Variants in FAT3 observed in about 807,000 individuals in gnomAD.
The protein encoded by FAT3 is protocadherin Fat 3.
In FAT3, 95 loss-of-function variants were observed where a neutral mutation model predicts 310.2. The ratio of observed to expected loss-of-function variants is 0.31; its 90% CI spans 0.26 to 0.36. FAT3 has a LOEUF of 0.36. Among genes scored for constraint, FAT3 ranks in the 10% least tolerant of loss-of-function variants. FAT3 has a pLI of 1.00. For synonymous variants in FAT3, 2,314 were observed against 2,192.9 expected (o/e 1.06, Z -1.54); for missense variants, 5,408 against 5,715.6 (o/e 0.95, Z 1.74).
chr11:92,469,674 C>A (rs931909976), intron 2 of FAT3, among the ~76,000 whole-genome samples: 8 of 151,544 alleles, frequency 5.3e-5, no homozygotes, highest in African/African-American at 1.9e-4. Flanking sequence ...GCCACCATGC[C>A]TAGCTAATTT....
At chr11:92,742,089 G>A (rs1216333433) in intron 4 of FAT3, among the ~76,000 whole-genome samples, 2 of 152,198 alleles carry the variant, frequency 1.3e-5, no homozygotes, top group African/African-American at 2.4e-5. Flanking sequence ...CCAGTACAAT[G>A]GATGATATGG....
chr11:92,487,569 A>G lies in FAT3; in HGVS notation c.3293-37065A>G, dbSNP rs188573423. Among the ~76,000 whole-genome samples the G allele has an allele frequency of 3.9e-4, 60 of 152,296 alleles. 1 individual carries two copies. The Middle Eastern group carries it at 0.034, about 86-fold the overall frequency. On this transcript the variant is annotated intron_variant, in intron 2 of 27. Coordinates refer to ENST00000525166, the MANE Select transcript of FAT3 (RefSeq NM_001367949.2). ...ATCTTTTAACTCTCGCAACAACCCT[A>G]AACTCTAAAAAGTAGGTTCCTTGGG...
intron 1 of FAT3, among the ~76,000 whole-genome samples, chr11:92,281,945 G>A (rs533582941): frequency 4.0e-5 from 6 of 149,868 alleles, no homozygotes; most frequent in African/African-American, 1.2e-4. Context: ...TCTCTCTCTT[G>A]CCCAGACTAG....
At chr11:92,832,050 G>T in intron 14 of FAT3, 39 bp downstream of exon 14, 1 of 1,494,198 alleles carries the variant, frequency 6.7e-7, no homozygotes, top group Non-Finnish European at 8.9e-7. Context: ...CAGAGCTTCA[G>T]CTTGGCACGG....
intron 17 of FAT3, among the ~76,000 whole-genome samples, chr11:92,839,985 G>A (rs1010610065): frequency 6.6e-6 from 1 of 152,158 alleles, no homozygotes; most frequent in African/African-American, 2.4e-5. Context: ...ACCCCGATTC[G>A]CTTCCCTAAA....
chr11:92,615,946 A>G (rs1940783093), intron 3 of FAT3, among the ~76,000 whole-genome samples: 1 of 152,172 alleles, frequency 6.6e-6, no homozygotes, highest in Admixed American at 6.5e-5. Flanking sequence ...AGAAGAATGT[A>G]TATTCTGTTG....
rs150095514 is a variant in FAT3, at chr11:92,801,698, C to T, written c.8685C>T (p.Ala2895=). Residue 2895 remains alanine (A), a synonymous_variant, in exon 10 of 28, where the codon GCC becomes GCT. Coordinates refer to ENST00000525166, the MANE Select transcript of FAT3 (RefSeq NM_001367949.2). ...CCACATTCACCTTCTCTGTGGTGGC[C>T]TCTGACCTTGGAGAGGCATTCTCTC... The part of the protein sequence containing the change: ...TDPTFTFSVV[A]SDLGEAFSLS... 4.8e-5 allele frequency: 78 copies of T among 1,613,936 alleles called. No homozygotes were observed. In the African/African-American group the frequency reaches 8.9e-4, roughly 18 times the overall value.
At chr11:92,340,111 C>CAA (rs56378818) in intron 1 of FAT3, among the ~76,000 whole-genome samples, 1,116 of 46,956 alleles carry the variant, frequency 0.024, 58 homozygotes, top group African/African-American at 0.058. Context: ...GACTCCATCT[C>CAA]AAAAAAAAAA....
At chr11:92,445,774 G>A (rs1332390384) in intron 2 of FAT3, among the ~76,000 whole-genome samples, 2 of 152,044 alleles carry the variant, frequency 1.3e-5, no homozygotes, top group Non-Finnish European at 2.9e-5. Flanking sequence ...GGTGGTCTGT[G>A]GTTGTTTCCT....
chr11:92,663,415 G>A (rs534965461), intron 3 of FAT3, among the ~76,000 whole-genome samples: 2 of 152,260 alleles, frequency 1.3e-5, no homozygotes, highest in Admixed American at 1.3e-4. Context: ...AATCAGACCT[G>A]CAGTTTAGGG....
intron 2 of FAT3, among the ~76,000 whole-genome samples, chr11:92,433,417 G>T (rs572214789): frequency 6.6e-6 from 1 of 152,186 alleles, no homozygotes; most frequent in Non-Finnish European, 1.5e-5. Context: ...TGGGCAAAGC[G>T]TAGTATCTAG....
At chr11:92,546,282 G>T (rs1173900178) in intron 3 of FAT3, among the ~76,000 whole-genome samples, 1 of 152,158 alleles carries the variant, frequency 6.6e-6, no homozygotes, top group East Asian at 1.9e-4. Context: ...GGATTTTTCT[G>T]TCATTGTAAT....
chr11:92,433,434 T>C (rs779046769), intron 2 of FAT3, among the ~76,000 whole-genome samples: 3 of 152,152 alleles, frequency 2.0e-5, no homozygotes, highest in Non-Finnish European at 4.4e-5. Context: ...CTAGGCTGGA[T>C]AGCTCTGTCC....
At chr11:92,754,885 AAAG>A (rs966783624) in intron 4 of FAT3, among the ~76,000 whole-genome samples, 1 of 151,922 alleles carries the variant, frequency 6.6e-6, no homozygotes, top group Non-Finnish European at 1.5e-5. Flanking sequence ...TAATAATAAT[AAAG>A]AAGGAAATCC....
intron 3 of FAT3, among the ~76,000 whole-genome samples, chr11:92,536,515 T>C (rs1954264341): frequency 6.6e-6 from 1 of 152,206 alleles, no homozygotes; most frequent in South Asian, 2.1e-4. Context: ...ACTGGCTTGC[T>C]ATTAACATTA....
chr11:92,830,827 C>T (rs1235173371), intron 13 of FAT3, among the ~76,000 whole-genome samples: 1 of 152,120 alleles, frequency 6.6e-6, no homozygotes, highest in Non-Finnish European at 1.5e-5. Flanking sequence ...ATCCTGCCAG[C>T]TCCACAATCA....
chr11:92,268,972 A>G (rs1946042849), intron 1 of FAT3, among the ~76,000 whole-genome samples: 3 of 152,192 alleles, frequency 2.0e-5, no homozygotes, highest in Admixed American at 2.0e-4. Flanking sequence ...GAAAAAATTT[A>G]AAATGGATGT....
At chr11:92,476,518 C>T (rs894759437) in intron 2 of FAT3, among the ~76,000 whole-genome samples, 1 of 152,086 alleles carries the variant, frequency 6.6e-6, no homozygotes, top group African/African-American at 2.4e-5. Context: ...ATGCAGAAAG[C>T]ACAAAATGAG....
At chr11:92,244,344 A>G (rs572772066) in intron 1 of FAT3, among the ~76,000 whole-genome samples, 1 of 152,228 alleles carries the variant, frequency 6.6e-6, no homozygotes, top group South Asian at 2.1e-4. Context: ...TTAAATTTGA[A>G]AAACAACAAC....
Sources: gnomAD v4.1 joint callset for allele counts (sites outside exome capture counted in the v4.1 genomes callset) on GRCh38, gnomAD v4.1.1 for gene constraint, MANE v1.5 for transcripts, NCBI Gene and HGNC (gene_info 2026-07-23, HGNC 2026-07-21) for gene names.